GK: variants seen among roughly 807,000 people sequenced by gnomAD.
GK encodes the protein ATP:glycerol 3-phosphotransferase.
GK carries 9 observed loss-of-function variants against 56.4 expected under a neutral mutation model. The ratio of observed to expected loss-of-function variants is 0.16; its 90% CI spans 0.10 to 0.28. GK has a LOEUF of 0.28. GK is among the 10% of genes least tolerant of loss of function. The pLI, the probability that GK is intolerant of heterozygous loss-of-function variation, is 1.00. For missense variants in GK, 161 were observed against 431.4 expected (o/e 0.37, Z 5.55); for synonymous variants, 104 against 144.1 (o/e 0.72, Z 1.99).
At chrX:30,676,145 G>A (rs1933888255) in intron 3 of GK, among the ~76,000 whole-genome samples, 1 of 110,508 alleles carries the variant, frequency 9.0e-6, no homozygotes, top group Non-Finnish European at 1.9e-5. Flanking sequence ...CTACATTGCC[G>A]AGGGTGGTCT....
chrX:30,716,319 C>A (rs918595900), intron 13 of GK, among the ~76,000 whole-genome samples: 1 of 111,446 alleles, frequency 9.0e-6, no homozygotes, highest in African/African-American at 3.3e-5. Context: ...TTTTCTTTTT[C>A]AATTAGGTCT....
chrX:30,685,961 T>C (rs1449685775), intron 4 of GK, among the ~76,000 whole-genome samples: 1 of 112,332 alleles, frequency 8.9e-6, no homozygotes, highest in Non-Finnish European at 1.9e-5. Flanking sequence ...AGGGCCACTG[T>C]TCTGAATTGG....
intron 5 of GK, among the ~76,000 whole-genome samples, chrX:30,693,258 C>T (rs1457181377): frequency 9.1e-6 from 1 of 109,395 alleles, no homozygotes; most frequent in East Asian, 2.9e-4. Context: ...CCTCATGATC[C>T]GCCCACCTCA....
At chrX:30,709,138 A>G (rs1376310890) in intron 13 of GK, among the ~76,000 whole-genome samples, 1 of 112,326 alleles carries the variant, frequency 8.9e-6, no homozygotes, top group East Asian at 2.8e-4. Flanking sequence ...CTCTGTGGAG[A>G]GTGCATAGCA....
intron 11 of GK, among the ~76,000 whole-genome samples, chrX:30,705,245 A>G (rs1163528432): frequency 8.9e-6 from 1 of 112,645 alleles, no homozygotes; most frequent in Non-Finnish European, 1.9e-5. Context: ...AGAAAATGAC[A>G]GTCAGCTCAG....
At chrX:30,674,645 T>G (rs1215967160) in intron 3 of GK, among the ~76,000 whole-genome samples, 1 of 111,014 alleles carries the variant, frequency 9.0e-6, no homozygotes, top group East Asian at 2.8e-4. Flanking sequence ...AGAATCTCAA[T>G]CATCTTTGTA....
At chrX:30,712,010 TATAAA>T (rs1339212572) in intron 13 of GK, among the ~76,000 whole-genome samples, 2 of 112,236 alleles carry the variant, frequency 1.8e-5, no homozygotes, top group Non-Finnish European at 3.8e-5. Context: ...ATATTAAAAA[TATAAA>T]AGAAAAGAGA....
At chrX:30,682,415 A>G (rs1388225547) in intron 4 of GK, among the ~76,000 whole-genome samples, 1 of 111,820 alleles carries the variant, frequency 8.9e-6, no homozygotes, top group Non-Finnish European at 1.9e-5. Flanking sequence ...ACTTTCTGCT[A>G]CAGAAACTAA....
chrX:30,678,806 C>G (rs1934094906), intron 4 of GK, among the ~76,000 whole-genome samples: 1 of 104,926 alleles, frequency 9.5e-6, no homozygotes, highest in African/African-American at 3.5e-5. Flanking sequence ...CCTGCCTCAG[C>G]CTCCCCAGTA....
chrX:30,656,876 A>ATTT (rs1932328117), intron 1 of GK, among the ~76,000 whole-genome samples: 1 of 112,550 alleles, frequency 8.9e-6, no homozygotes, highest in Admixed American at 9.4e-5. Context: ...TTTGAGACAG[A>ATTT]ATCTCGCTCT....
At chrX:30,715,506 G>C (rs868241947) in intron 13 of GK, among the ~76,000 whole-genome samples, 24 of 111,916 alleles carry the variant, frequency 2.1e-4, no homozygotes, top group African/African-American at 7.5e-4. Flanking sequence ...TCATAACCTA[G>C]AACAAGGGCT....
At chrX:30,685,724 C>T (rs750085241) in intron 4 of GK, among the ~76,000 whole-genome samples, 37 of 112,242 alleles carry the variant, frequency 3.3e-4, no homozygotes, top group Non-Finnish European at 6.0e-4. Context: ...AAGACTGTGA[C>T]GTCATCATGG....
At chrX:30,705,280 T>C (rs973610157) in intron 11 of GK, among the ~76,000 whole-genome samples, 2 of 112,535 alleles carry the variant, frequency 1.8e-5, no homozygotes, top group African/African-American at 6.5e-5. Flanking sequence ...CCCATCTCTG[T>C]TTCAGAGTGG....
chrX:30,722,780 A>G lies in GK; in HGVS notation c.1502-1321A>G, dbSNP rs139572034. Among the ~76,000 whole-genome samples the G allele has an allele frequency of 6.9e-4, 76 of 110,770 alleles. 2 individuals are homozygous for G. In the East Asian group the frequency reaches 0.021, roughly 31 times the overall value. ...TAGCTGACATCCTGGGGTGTGTGTG[A>G]AGAGAGAGGGGGGGATAGAAATGGG... On this transcript the variant is annotated intron_variant, in intron 18 of 20. Transcript: ENST00000427190.
intron 1 of GK, among the ~76,000 whole-genome samples, chrX:30,663,525 G>C (rs777689153): frequency 9.0e-6 from 1 of 111,239 alleles, no homozygotes; most frequent in East Asian, 2.8e-4. Context: ...ATGCTACCTT[G>C]TAAATCACAG....
At chrX:30,669,340 G>T (rs773448753) in intron 3 of GK, among the ~76,000 whole-genome samples, 171 of 109,294 alleles carry the variant, frequency 1.6e-3, no homozygotes, top group African/African-American at 5.2e-3. Context: ...ACACCACCAT[G>T]CCCGGCTAAT....
chrX:30,726,732 A>T (rs180805305), intron 19 of GK, among the ~76,000 whole-genome samples: 1 of 112,043 alleles, frequency 8.9e-6, no homozygotes, highest in Admixed American at 9.5e-5. Context: ...TATATAAGTT[A>T]TATGATAATA....
chrX:30,691,433 G>A (rs983587980), intron 5 of GK, among the ~76,000 whole-genome samples: 8 of 106,154 alleles, frequency 7.5e-5, no homozygotes, highest in South Asian at 4.2e-4. Flanking sequence ...ATTATAATGC[G>A]TCCCAGTGGC....
At chrX:30,698,093 A>G (rs1169416810) in intron 9 of GK, 1 of 179,658 alleles carries the variant, frequency 5.6e-6, no homozygotes, top group East Asian at 1.2e-4. Context: ...TGATATATTG[A>G]CCACCTTTCC....
Sources: allele counts gnomAD v4.1 joint callset (sites outside exome capture counted in the v4.1 genomes callset), GRCh38; gene constraint gnomAD v4.1.1; transcripts MANE v1.5; gene names NCBI Gene and HGNC (gene_info 2026-07-23, HGNC 2026-07-21).